The following E2F5 variants were observed in gnomAD, a reference collection of about 807,000 sequenced individuals.
E2F5 encodes the protein E2F transcription factor 5.
Under a neutral mutation model 39.1 loss-of-function variants are expected in E2F5, and 23 were observed. The ratio of observed to expected loss-of-function variants is 0.59; its 90% CI spans 0.42 to 0.83. E2F5 has a LOEUF of 0.83. Ranked by LOEUF, E2F5 falls within the 40% of genes least tolerant of loss-of-function variation. The probability of loss-of-function intolerance (pLI) is 0.00; values close to 1 mark genes in which losing one functional copy is unlikely to be tolerated. For missense variants in E2F5, 365 were observed against 406.7 expected, an observed-to-expected ratio of 0.90 and a Z score of 0.88; for synonymous variants, 145 against 157.8, an observed-to-expected ratio of 0.92 and a Z score of 0.61.
chr8:85,201,894 T>C (rs542472580), intron 1 of E2F5: 31 of 481,956 alleles, frequency 6.4e-5, no homozygotes, highest in African/African-American at 4.9e-4. Context: ...TGTGTTCTTT[T>C]ATTTTTGCAG....
chr8:85,203,414 C>T (rs754624636), intron 3 of E2F5, among the ~76,000 whole-genome samples, 159 bp downstream of exon 3: 1 of 151,956 alleles, frequency 6.6e-6, no homozygotes. Flanking sequence ...CTAATATTTT[C>T]TAAATGTTAC....
rs778179917 is a variant in E2F5 at position 85,209,358 on chromosome 8, T to C, written c.832T>C (p.Ser278Pro). The C allele has an allele frequency of 6.2e-7, 1 of 1,613,812 alleles. No individual in the cohort carries two copies. The highest frequency in any genetic ancestry group is 8.5e-7 in the Non-Finnish European group (1 of 1,179,792). ...TCAAAATCTGCCTGAGCAACATGTC[T>C]CTGAAAGAAGCCAGGCTCTGCAGCA... ...ATQNLPEQHVSERSQALQQTS... is the reference protein window; with the variant it reads ...ATQNLPEQHVPERSQALQQTS... The change falls in exon 6 of 8, where the codon TCT (serine) becomes CCT (proline). Residue 278 changes from serine (S) to proline (P), a missense_variant. Transcript: ENST00000416274.
chr8:85,212,281 A>G, intron 7 of E2F5, 77 bp downstream of exon 7: 1 of 1,102,070 alleles, frequency 9.1e-7, no homozygotes, highest in Non-Finnish European at 1.4e-6. Flanking sequence ...ATGATTTAAA[A>G]GAAATGAACA....
intron 1 of E2F5, among the ~76,000 whole-genome samples, chr8:85,196,124 A>C (rs1479398269): frequency 1.3e-5 from 2 of 152,212 alleles, no homozygotes; most frequent in Non-Finnish European, 2.9e-5. Flanking sequence ...TCCTTGTGGT[A>C]GAGTAGTGAC....
rs58188216 is a variant in E2F5, at chr8:85,180,511, CATATATATATATATATATATAT to C, written c.234+2880_234+2901del. ...TTTAAACGCAGTTAAAGAAACTATA[CATATATATATATATATATATAT>C]ATATATATATATATATATATATGGT... On this transcript the variant is annotated intron_variant, in intron 1 of 7. Transcript: ENST00000416274. 2.3e-3 allele frequency among the ~76,000 whole-genome samples: 185 copies of C among 80,840 alleles called. 3 individuals are homozygous for C. The highest frequency in any genetic ancestry group is 4.9e-3 in the African/African-American group (94 of 19,126). 53.0% of individuals were successfully genotyped at this position (80,840 alleles called of 152,430 possible). A position where few individuals can be genotyped will look rare whatever the true frequency, so the allele number is the denominator to read the frequency against.
Position 85,180,840 on chromosome 8 carries a change from A to G in E2F5, c.234+3186A>G, listed in dbSNP as rs568480396. The stretch of plus-strand genomic sequence containing the variant: ...GTGATCCGCCCGCCTCGGCCTCCCA[A>G]AGTGCTGGGATTACAAGCGTGAGCC... On this transcript the variant is annotated intron_variant, in intron 1 of 7. Coordinates refer to ENST00000416274, the MANE Select transcript of E2F5 (RefSeq NM_001951.4). 6.6e-5 allele frequency among the ~76,000 whole-genome samples: 10 copies of G among 150,574 alleles called. No individual in the cohort carries two copies. The South Asian group carries it at 1.9e-3, about 29-fold the overall frequency.
At chr8:85,186,663 TGGTATATATGTAA>T (rs1194473128) in intron 1 of E2F5, among the ~76,000 whole-genome samples, 5 of 147,680 alleles carry the variant, frequency 3.4e-5, no homozygotes, top group Non-Finnish European at 7.4e-5. Context: ...GGTGTATATA[TGGTATATATGTAA>T]GGTATATATG....
intron 1 of E2F5, 124 bp downstream of exon 1, chr8:85,177,778 G>A (rs1812117607): frequency 1.7e-6 from 2 of 1,144,518 alleles, no homozygotes; most frequent in Non-Finnish European, 2.1e-6. Flanking sequence ...CCGGGACCGG[G>A]CAATCCGAGG....
chr8:85,191,268 G>A (rs949237962), intron 1 of E2F5, among the ~76,000 whole-genome samples: 2 of 152,174 alleles, frequency 1.3e-5, no homozygotes, highest in African/African-American at 4.8e-5. Context: ...TCTAAGAATA[G>A]GATGGTGGTT....
intron 2 of E2F5, among the ~76,000 whole-genome samples, chr8:85,202,619 T>C (rs1337099949): frequency 6.6e-6 from 1 of 152,234 alleles, no homozygotes; most frequent in African/African-American, 2.4e-5. Context: ...TTGAAACGCA[T>C]GTTGTCATTA....
At chr8:85,178,551 A>C (rs1003853973) in intron 1 of E2F5, among the ~76,000 whole-genome samples, 12 of 152,210 alleles carry the variant, frequency 7.9e-5, no homozygotes, top group African/African-American at 2.9e-4. Context: ...GCGAAGTTTA[A>C]GAACTAAAGT....
intron 1 of E2F5, among the ~76,000 whole-genome samples, chr8:85,185,747 CAT>C (rs1380630544): frequency 6.6e-5 from 10 of 152,172 alleles, no homozygotes; most frequent in African/African-American, 9.7e-5. Flanking sequence ...AGCCAACAAA[CAT>C]ATGAAAAAAT....
intron 3 of E2F5, among the ~76,000 whole-genome samples, chr8:85,205,929 A>G (rs896923301): frequency 1.3e-5 from 2 of 152,126 alleles, no homozygotes; most frequent in East Asian, 1.9e-4. Context: ...AAGAATGTGC[A>G]CTGCTTTCCA....
In E2F5 at chr8:85,202,220, TG is replaced by T; in HGVS notation, c.309del (p.Ile104LeufsTer14). On this transcript the variant is annotated frameshift_variant, in exon 2 of 8. Transcript: ENST00000416274. LOFTEE classifies it high-confidence loss of function. ...DITNVLEGID[L>X]IEKKSKNSIQ... Reference sequence around the variant, plus strand: ...ACCAATGTCTTAGAGGGAATTGACTTGATTGAAAAAAAGTCAAAAAACAGTA... The same window carrying T: ...ACCAATGTCTTAGAGGGAATTGACTTATTGAAAAAAAGTCAAAAAACAGTA... 6.2e-7 allele frequency: 1 copy of T among 1,612,150 alleles called. No homozygotes were observed. Among genetic ancestry groups the T allele is most frequent in the Non-Finnish European group, 8.5e-7 (1 of 1,179,284 alleles).
chr8:85,200,827 C>T (rs1042634960), intron 1 of E2F5, among the ~76,000 whole-genome samples: 1 of 152,156 alleles, frequency 6.6e-6, no homozygotes, highest in African/African-American at 2.4e-5. Flanking sequence ...TGAAACAAAC[C>T]ATGGCTAGTC....
chr8:85,194,839 TTTA>T (rs953203466), intron 1 of E2F5, among the ~76,000 whole-genome samples: 4 of 150,850 alleles, frequency 2.7e-5, no homozygotes, highest in South Asian at 2.1e-4. Flanking sequence ...GGCCCTGTTA[TTTA>T]TTATTATTAT....
At chr8:85,201,400 T>G (rs978451859) in intron 1 of E2F5, among the ~76,000 whole-genome samples, 3 of 152,206 alleles carry the variant, frequency 2.0e-5, no homozygotes, top group Non-Finnish European at 4.4e-5. Flanking sequence ...TTCTTTGAGG[T>G]TCTCTTTGTT....
chr8:85,180,494 C>T (rs2136037616), intron 1 of E2F5, among the ~76,000 whole-genome samples: 1 of 123,656 alleles, frequency 8.1e-6, no homozygotes, highest in African/African-American at 3.0e-5. Context: ...CTTTTAAACG[C>T]AGTTAAAGAA....
intron 1 of E2F5, among the ~76,000 whole-genome samples, chr8:85,185,047 A>G (rs1812300073): frequency 6.6e-6 from 1 of 152,250 alleles, no homozygotes; most frequent in Admixed American, 6.5e-5. Context: ...AAGAGCCTGC[A>G]TAGCCAAGAC....
Sources: allele counts gnomAD v4.1 joint callset (sites outside exome capture counted in the v4.1 genomes callset), GRCh38; gene constraint gnomAD v4.1.1; transcripts MANE v1.5; gene names NCBI Gene and HGNC (gene_info 2026-07-23, HGNC 2026-07-21).